LEPROT: variants seen among roughly 807,000 people sequenced by gnomAD.
The protein encoded by LEPROT is leptin receptor overlapping transcript.
LEPROT carries 3 observed loss-of-function variants against 15.4 expected under a neutral mutation model. The ratio of observed to expected loss-of-function variants is 0.19; its 90% CI spans 0.09 to 0.50. The LOEUF (loss-of-function observed/expected upper bound fraction) is 0.50. LEPROT is among the 20% of genes least tolerant of loss of function. The probability of loss-of-function intolerance (pLI) is 0.97; values close to 1 mark genes in which losing one functional copy is unlikely to be tolerated. For missense variants in LEPROT, 137 were observed against 162.2 expected (o/e 0.84, Z 0.84); for synonymous variants, 59 against 57.5 (o/e 1.03, Z -0.12).
chr1:65,425,551 G>A (rs192218234), intron 2 of LEPROT, among the ~76,000 whole-genome samples, 173 bp downstream of exon 2: 28 of 152,302 alleles, frequency 1.8e-4, no homozygotes, highest in African/African-American at 6.7e-4. Flanking sequence ...AGAGGGCTCT[G>A]TTAAAAATTG....
chr1:65,424,801 CTCT>C (rs1646326150), intron 1 of LEPROT, among the ~76,000 whole-genome samples: 1 of 152,102 alleles, frequency 6.6e-6, no homozygotes, highest in Non-Finnish European at 1.5e-5. Context: ...TCTACTTTCT[CTCT>C]TCTTATAAGG....
chr1:65,421,453 T>C, intron 1 of LEPROT: 1 of 1,536,102 alleles, frequency 6.5e-7, no homozygotes, highest in Non-Finnish European at 8.7e-7. Context: ...AGGCTTCCTG[T>C]ATTTTGGTAG....
intron 1 of LEPROT, among the ~76,000 whole-genome samples, chr1:65,423,167 A>C (rs1286003056): frequency 6.6e-6 from 1 of 152,184 alleles, no homozygotes; most frequent in Non-Finnish European, 1.5e-5. Context: ...AGAGAAGTCC[A>C]GACTGGAGGT....
Position 65,435,387 on chromosome 1 carries a change from A to AGGCAGAG in LEPROT, c.*3469_*3475dup. 2.6e-6 allele frequency: 2 copies of AGGCAGAG among 756,944 alleles called. No homozygotes were observed. The highest frequency in any genetic ancestry group is 3.0e-6 in the Non-Finnish European group (2 of 673,034). 46.9% of individuals were successfully genotyped at this position (756,944 alleles called of 1,614,324 possible). Reference sequence around the variant, plus strand: ...TTTTCTTTTTTTTTTTTTTTTTTTGAGGCAGAGTCTCGCTCTGTTGCCCAG... The same window carrying AGGCAGAG: ...TTTTCTTTTTTTTTTTTTTTTTTTGAGGCAGAGGGCAGAGTCTCGCTCTGTTGCCCAG... On this transcript the variant is annotated 3_prime_UTR_variant, in exon 4 of 4. Transcript: ENST00000371065.
Position 65,432,655 on chromosome 1 carries a change from A to G in LEPROT, c.*736A>G. The G allele has an allele frequency of 2.0e-6, 2 of 984,544 alleles. No individual in the cohort carries two copies. Among genetic ancestry groups the G allele is most frequent in the South Asian group, 4.7e-5 (1 of 21,266 alleles). The allele number at this position is 984,544 out of a possible 1,614,324, so 61.0% of individuals were successfully genotyped here. A position where few individuals can be genotyped will look rare whatever the true frequency, so the allele number is the denominator to read the frequency against. On this transcript the variant is annotated 3_prime_UTR_variant, in exon 4 of 4. Coordinates refer to ENST00000371065, the MANE Select transcript of LEPROT (RefSeq NM_017526.5). ...AATATTTAGGCAGTTCCTCAAATTT[A>G]TGAAAAGTGTTCTCAGAATTGGGAG...
chr1:65,430,143 T>C (rs1570432374), intron 3 of LEPROT, 95 bp downstream of exon 3: 2 of 1,116,572 alleles, frequency 1.8e-6, no homozygotes, highest in East Asian at 5.2e-5. Context: ...TTACTTAGGC[T>C]TTATACTCAA....
intron 1 of LEPROT, 78 bp from the exon 2 acceptor site, chr1:65,425,225 C>G (rs995479031): frequency 8.1e-7 from 1 of 1,227,050 alleles, no homozygotes; most frequent in Non-Finnish European, 1.2e-6. Flanking sequence ...TTAGAAGTCA[C>G]TCCCCATTTC....
intron 1 of LEPROT, 99 bp downstream of exon 1, chr1:65,420,839 G>C: frequency 7.1e-7 from 1 of 1,407,634 alleles, no homozygotes. Context: ...TTGGGGAACG[G>C]CCTCACCACC....
rs199535824 is a variant in LEPROT at position 65,433,558 on chromosome 1, T to A, written c.*1639T>A. 1.0e-6 allele frequency: 1 copy of A among 984,798 alleles called. No individual in the cohort carries two copies. The highest frequency in any genetic ancestry group is 1.2e-6 in the Non-Finnish European group (1 of 829,928). The allele number at this position is 984,798 out of a possible 1,614,324, so 61.0% of individuals were successfully genotyped here. ...CCTTGAGGCTTGTGATCTGAGTAAT[T>A]AGCAGGTATGATGCTGGGACTGGAA... On this transcript the variant is annotated 3_prime_UTR_variant, in exon 4 of 4. Transcript: ENST00000371065.
Position 65,433,227 on chromosome 1 carries a change from C to T in LEPROT, c.*1308C>T, listed in dbSNP as rs1646512696. On this transcript the variant is annotated 3_prime_UTR_variant, in exon 4 of 4. Transcript: ENST00000371065. ...CCTGACTTCTCTACGGCTCTGGCTTCTTCCCGAAGAGATATAGGAGCCATG... is the reference window on the plus strand; with the variant it reads ...CCTGACTTCTCTACGGCTCTGGCTTTTTCCCGAAGAGATATAGGAGCCATG... 2 of 985,250 alleles carry T rather than the reference C, an allele frequency of 2.0e-6. No individual in the cohort carries two copies. The highest frequency in any genetic ancestry group is 3.5e-5 in the African/African-American group (2 of 57,214). The allele number at this position is 985,250 out of a possible 1,614,324, so 61.0% of individuals were successfully genotyped here. A position where few individuals can be genotyped will look rare whatever the true frequency, so the allele number is the denominator to read the frequency against.
Position 65,433,265 on chromosome 1 carries a change from G to A in LEPROT, c.*1346G>A. On this transcript the variant is annotated 3_prime_UTR_variant, in exon 4 of 4. Coordinates refer to ENST00000371065, the MANE Select transcript of LEPROT (RefSeq NM_017526.5). ...TATAGGAGCCATGTAAGCACGCAGTGGGTGAACTGCTTAATTTCACTACGT... is the reference window on the plus strand; with the variant it reads ...TATAGGAGCCATGTAAGCACGCAGTAGGTGAACTGCTTAATTTCACTACGT... The A allele has an allele frequency of 1.0e-6, 1 of 985,300 alleles. No individual in the cohort carries two copies. The highest frequency in any genetic ancestry group is 1.2e-6 in the Non-Finnish European group (1 of 829,922). The allele number at this position is 985,300 out of a possible 1,614,324, so 61.0% of individuals were successfully genotyped here. A position where few individuals can be genotyped will look rare whatever the true frequency, so the allele number is the denominator to read the frequency against.
chr1:65,435,000 C>T lies in LEPROT; in HGVS notation c.*3081C>T, dbSNP rs374805830. ...CCGACTGCCATTCCCATGACTGCTG[C>T]ACCTGCGTTTTTAGAGAATGCCTCA... On this transcript the variant is annotated 3_prime_UTR_variant, in exon 4 of 4. Transcript: ENST00000371065. 3 of 985,452 alleles carry T rather than the reference C, an allele frequency of 3.0e-6. No individual in the cohort carries two copies. In the African/African-American group the frequency reaches 5.2e-5, roughly 17 times the overall value. 61.0% of individuals were successfully genotyped at this position (985,452 alleles called of 1,614,324 possible). A position where few individuals can be genotyped will look rare whatever the true frequency, so the allele number is the denominator to read the frequency against.
chr1:65,420,695 G>A lies in LEPROT; in HGVS notation c.-30G>A, dbSNP rs1646226990. On this transcript the variant is annotated 5_prime_UTR_variant, in exon 1 of 4. Transcript: ENST00000371065. The stretch of plus-strand genomic sequence containing the variant: ...GCTGCCCGGGCCGTGGCAGGAAGCC[G>A]GAAGCAGCCGCGGCCCCAGTTCGGG... 1 of 1,574,320 alleles carries A rather than the reference G, an allele frequency of 6.4e-7. No individual in the cohort carries two copies. Among genetic ancestry groups the A allele is most frequent in the Non-Finnish European group, 8.6e-7 (1 of 1,162,206 alleles).
rs142357683 is a variant in LEPROT at position 65,429,899 on chromosome 1, A to G, written c.130A>G (p.Ile44Val). The change falls in exon 3 of 4, where the codon ATC (isoleucine) becomes GTC (valine). Residue 44 changes from isoleucine to valine, a missense_variant. Ile to Val is a conservative substitution (Grantham distance 29). Coordinates refer to ENST00000371065, the MANE Select transcript of LEPROT (RefSeq NM_017526.5). Reference sequence around the variant, plus strand: ...CTTATTCGTCCTGATTTTCCACGCCATCTCCCCCATCCCCCATTTCATTGC... The same window carrying G: ...CTTATTCGTCCTGATTTTCCACGCCGTCTCCCCCATCCCCCATTTCATTGC... ...WPLFVLIFHA[I>V]SPIPHFIAKR... 2.6e-6 allele frequency: 4 copies of G among 1,522,022 alleles called. No homozygotes were observed. The African/African-American group carries it at 4.1e-5, about 16-fold the overall frequency. 94.3% of individuals were successfully genotyped at this position (1,522,022 alleles called of 1,614,324 possible).
chr1:65,427,371 T>C (rs1646399801), intron 2 of LEPROT, among the ~76,000 whole-genome samples: 1 of 152,062 alleles, frequency 6.6e-6, no homozygotes, highest in Non-Finnish European at 1.5e-5. Context: ...GCCAGGAGTT[T>C]GAGACCAGTC....
chr1:65,430,678 A>T (rs1214493556), intron 3 of LEPROT, among the ~76,000 whole-genome samples: 1 of 151,810 alleles, frequency 6.6e-6, no homozygotes, highest in Non-Finnish European at 1.5e-5. Context: ...AATATCAGAT[A>T]AGCGCAAGTC....
chr1:65,431,049 A>T (rs1054276422), intron 3 of LEPROT, among the ~76,000 whole-genome samples: 5 of 152,162 alleles, frequency 3.3e-5, no homozygotes, highest in African/African-American at 1.2e-4. Context: ...GGGTTGTGAA[A>T]CCTGATTAGC....
chr1:65,433,519 T>A lies in LEPROT; in HGVS notation c.*1600T>A, dbSNP rs1230902976. On this transcript the variant is annotated 3_prime_UTR_variant, in exon 4 of 4. Transcript: ENST00000371065. ...GTTAAAGTATGAAACTGAAATACAT[T>A]CAAAACACTTAATCCTTGAGGCTTG... The A allele has an allele frequency of 3.0e-6, 3 of 985,320 alleles. No individual in the cohort carries two copies. Among genetic ancestry groups the A allele is most frequent in the Non-Finnish European group, 3.6e-6 (3 of 829,924 alleles). The allele number at this position is 985,320 out of a possible 1,614,324, so 61.0% of individuals were successfully genotyped here.
chr1:65,421,162 A>T (rs1393995911), intron 1 of LEPROT, among the ~76,000 whole-genome samples: 1 of 152,174 alleles, frequency 6.6e-6, no homozygotes, highest in Admixed American at 6.5e-5. Context: ...AGCATTGGGA[A>T]ACTTAATCCT....
Sources: allele counts gnomAD v4.1 joint callset (sites outside exome capture counted in the v4.1 genomes callset), GRCh38; gene constraint gnomAD v4.1.1; transcripts MANE v1.5; gene names NCBI Gene and HGNC (gene_info 2026-07-23, HGNC 2026-07-21).